CD40: variants seen among roughly 807,000 people sequenced by gnomAD.
CD40 encodes the protein tumor necrosis factor receptor superfamily member 5.
CD40 carries 19 observed loss-of-function variants against 38.5 expected under a neutral mutation model. The ratio of observed to expected loss-of-function variants is 0.49; its 90% confidence interval spans 0.34 to 0.72. The LOEUF (loss-of-function observed/expected upper bound fraction) is 0.72. Ranked by LOEUF, CD40 falls within the 30% of genes least tolerant of loss-of-function variation. The probability of loss-of-function intolerance (pLI) is 0.01; values close to 1 mark genes in which losing one functional copy is unlikely to be tolerated. For missense variants in CD40, 256 were observed against 344.1 expected (o/e 0.74, Z 2.03); for synonymous variants, 130 against 128.7 (o/e 1.01, Z -0.07).
intron 5 of CD40, among the ~76,000 whole-genome samples, chr20:46,125,764 G>A (rs566910946): frequency 2.8e-4 from 42 of 152,166 alleles, no homozygotes; most frequent in African/African-American, 8.2e-4. Flanking sequence ...CCTCCTCTGA[G>A]CTCTCTGGGC....
chr20:46,128,461 A>T, intron 8 of CD40, 103 bp downstream of exon 8: 1 of 1,287,484 alleles, frequency 7.8e-7, no homozygotes, highest in South Asian at 1.2e-5. Flanking sequence ...CTGTCTCTGC[A>T]GCCAGTGGGG....
In CD40 at chr20:46,129,437, G is replaced by C; in HGVS notation, c.*397G>C. On this transcript the variant is annotated 3_prime_UTR_variant, in exon 9 of 9. Transcript: ENST00000372285. The stretch of plus-strand genomic sequence containing the variant: ...ACAGATGCCCATTGCAGCATTGTTT[G>C]TGATAGTGAACAACTGGAAGCTGCT... 1 of 253,994 alleles carries C rather than the reference G, an allele frequency of 3.9e-6. No individual in the cohort carries two copies. The highest frequency in any genetic ancestry group is 7.9e-6 in the Non-Finnish European group (1 of 126,650). 15.7% of individuals were successfully genotyped at this position (253,994 alleles called of 1,614,324 possible). A position where few individuals can be genotyped will look rare whatever the true frequency, so the allele number is the denominator to read the frequency against.
rs768876770 is a variant in CD40 at position 46,122,333 on chromosome 20, C to T, written c.231C>T (p.Cys77=). Residue 77 remains cysteine (C), a synonymous_variant, in exon 3 of 9, where the codon TGC becomes TGT. Coordinates refer to ENST00000372285, the MANE Select transcript of CD40 (RefSeq NM_001250.6). This position sits in a 1 kb window ranked among gnomAD's most constrained non-coding sequence, Gnocchi z 5.0. The part of the protein sequence containing the change: ...FLDTWNRETH[C]HQHKYCDPNL... ...ACACCTGGAACAGAGAGACACACTG[C>T]CACCAGCACAAATACTGCGACCCCA... The T allele has an allele frequency of 6.2e-7, 1 of 1,614,196 alleles. No homozygotes were observed. Among genetic ancestry groups the T allele is most frequent in the Admixed American group, 1.7e-5 (1 of 60,024 alleles).
intron 8 of CD40, chr20:46,128,609 G>A (rs948282712): frequency 3.9e-5 from 27 of 698,492 alleles, no homozygotes; most frequent in Admixed American, 1.3e-4. Flanking sequence ...GGCATTCAAC[G>A]CGTGGGGAGC....
intron 1 of CD40, among the ~76,000 whole-genome samples, chr20:46,119,460 C>A (rs1535045): frequency 1.2e-3 from 175 of 151,850 alleles, no homozygotes; most frequent in African/African-American, 3.9e-3. Context: ...AGGGGGAGGG[C>A]GGAGCTGGAA....
At chr20:46,123,930 C>A (rs1175326668) in intron 5 of CD40, among the ~76,000 whole-genome samples, 1 of 152,250 alleles carries the variant, frequency 6.6e-6, no homozygotes, top group African/African-American at 2.4e-5. Flanking sequence ...CATCGCATAG[C>A]TTCATGCTAC....
At chr20:46,127,810 C>T (rs2145611478) in intron 6 of CD40, among the ~76,000 whole-genome samples, 1 of 152,238 alleles carries the variant, frequency 6.6e-6, no homozygotes, top group East Asian at 1.9e-4. Flanking sequence ...ACAGCCACTG[C>T]CACCACTCGC....
rs1450807489 is a variant in CD40 at position 46,129,027 on chromosome 20, A to C, written c.821A>C (p.Gln274Pro). Residue 274 changes from glutamine to proline, a missense_variant, in exon 9 of 9, where the codon CAG (glutamine) becomes CCG (proline). Transcript: ENST00000372285. ...GGCAAAGAGAGTCGCATCTCAGTGC[A>C]GGAGAGACAGTGAGGCTGCACCCAC... ...EDGKESRISV[Q>P]ERQ 2 of 1,614,166 alleles carry C rather than the reference A, an allele frequency of 1.2e-6. No homozygotes were observed. Among genetic ancestry groups the C allele is most frequent in the Admixed American group, 3.3e-5 (2 of 60,024 alleles).
intron 5 of CD40, among the ~76,000 whole-genome samples, chr20:46,125,918 C>T (rs575404555): frequency 6.6e-6 from 1 of 152,302 alleles, no homozygotes; most frequent in Non-Finnish European, 1.5e-5. Context: ...TCCTGCATGC[C>T]ACCTGCCTTA....
At chr20:46,118,765 C>T (rs1417019836) in intron 1 of CD40, among the ~76,000 whole-genome samples, 1 of 152,178 alleles carries the variant, frequency 6.6e-6, no homozygotes. Context: ...TTCCTGTCCC[C>T]TTCTTATTGT....
At position 46,122,383 on chromosome 20, in the gene CD40, C is replaced by T. The variant is rs753394275; in HGVS notation, c.256+25C>T. ...AGTGCGTGCGCTGTTGGGAAAGGGA[C>T]GCTTGGGAACCGGGCTGATATTCCC... On this transcript the variant is annotated intron_variant, in intron 3 of 8. Transcript: ENST00000372285. This position sits in a 1 kb window ranked among gnomAD's most constrained non-coding sequence, Gnocchi z 5.0. 31 of 1,613,876 alleles carry T rather than the reference C, an allele frequency of 1.9e-5. No individual in the cohort carries two copies. Among genetic ancestry groups the T allele is most frequent in the Non-Finnish European group, 2.0e-5 (24 of 1,180,006 alleles).
intron 5 of CD40, among the ~76,000 whole-genome samples, chr20:46,125,657 C>T (rs757132413): frequency 1.3e-5 from 2 of 152,002 alleles, no homozygotes; most frequent in South Asian, 2.1e-4. Context: ...GTGTCCATTC[C>T]GCCCCACTCC....
intron 1 of CD40, 187 bp from the exon 2 acceptor site, chr20:46,121,633 C>G: frequency 1.5e-6 from 1 of 659,988 alleles, no homozygotes; most frequent in South Asian, 1.7e-5. Context: ...TCTCTGGGTG[C>G]GATTATAATC....
intron 6 of CD40, chr20:46,127,359 A>G (rs1299709214): frequency 6.4e-6 from 1 of 155,140 alleles, no homozygotes; most frequent in Non-Finnish European, 1.4e-5. Flanking sequence ...TGAGCAAGAT[A>G]GCAACATTTT....
At chr20:46,121,406 G>T (rs1263787716) in intron 1 of CD40, among the ~76,000 whole-genome samples, 1 of 152,166 alleles carries the variant, frequency 6.6e-6, no homozygotes, top group Non-Finnish European at 1.5e-5. Context: ...AGAAGAATAG[G>T]AGGAAGAGGC....
At chr20:46,121,745 G>C in intron 1 of CD40, 75 bp from the exon 2 acceptor site, 1 of 1,103,858 alleles carries the variant, frequency 9.1e-7, no homozygotes, top group East Asian at 2.3e-5. Context: ...TGTCCTGGAT[G>C]ACTTTTACCT....
intron 5 of CD40, among the ~76,000 whole-genome samples, chr20:46,124,047 T>C (rs1353476883): frequency 6.6e-6 from 1 of 152,160 alleles, no homozygotes; most frequent in Non-Finnish European, 1.5e-5. Flanking sequence ...GCCTGTAATC[T>C]CAGCACTTTG....
Position 46,122,465 on chromosome 20 carries a change from C to G in CD40, c.256+107C>G. ...AGGGTCTGCTCTGATTGGTTGGAGT[C>G]CGGGCTGTACTGATCATTAAATGAT... On this transcript the variant is annotated intron_variant, in intron 3 of 8. Coordinates refer to ENST00000372285, the MANE Select transcript of CD40 (RefSeq NM_001250.6). The surrounding 1 kb of genome is among the most constrained non-coding windows in gnomAD (Gnocchi z 5.0). The G allele has an allele frequency of 6.4e-7, 1 of 1,567,096 alleles. No homozygotes were observed. The highest frequency in any genetic ancestry group is 1.7e-5 in the Admixed American group (1 of 59,760).
In CD40 at chr20:46,129,131, G is replaced by C; in HGVS notation, c.*91G>C. The stretch of plus-strand genomic sequence containing the variant: ...GCTGCTGCTGTGGCGTGAGGGTGAG[G>C]GGCTGGCACTGACTGGGCATAGCTC... On this transcript the variant is annotated 3_prime_UTR_variant, in exon 9 of 9. Coordinates refer to ENST00000372285, the MANE Select transcript of CD40 (RefSeq NM_001250.6). 1 of 1,453,798 alleles carries C rather than the reference G, an allele frequency of 6.9e-7. No homozygotes were observed. The highest frequency in any genetic ancestry group is 9.6e-7 in the Non-Finnish European group (1 of 1,042,152). The allele number at this position is 1,453,798 out of a possible 1,614,324, so 90.1% of individuals were successfully genotyped here.
Sources: allele counts gnomAD v4.1 joint callset (sites outside exome capture counted in the v4.1 genomes callset), GRCh38; gene constraint gnomAD v4.1.1; non-coding constraint Gnocchi (gnomAD v3.1); transcripts MANE v1.5; gene names NCBI Gene and HGNC (gene_info 2026-07-23, HGNC 2026-07-21).